The following MRC1 variants were observed in gnomAD, a reference collection of about 807,000 sequenced individuals.
The protein encoded by MRC1 is mannose receptor C-type 1.
In MRC1, 62 loss-of-function variants were observed where a neutral mutation model predicts 102.9. That is an observed-to-expected ratio of 0.60 (90% CI 0.49 to 0.74). MRC1 has a LOEUF of 0.74. Ranked by LOEUF, MRC1 falls within the 30% of genes least tolerant of loss-of-function variation. The probability of loss-of-function intolerance (pLI) is 0.00; values close to 1 mark genes in which losing one functional copy is unlikely to be tolerated. For missense variants in MRC1, 1,237 were observed against 862.8 expected (o/e 1.43, Z -5.43); for synonymous variants, 457 against 298.4 (o/e 1.53, Z -5.48).
At chr10:17,879,143 T>G (rs1589189512) in intron 18 of MRC1, among the ~76,000 whole-genome samples, 1 of 152,204 alleles carries the variant, frequency 6.6e-6, no homozygotes, top group South Asian at 2.1e-4. Context: ...TCTGGCTCAC[T>G]TCCAGAGTAA....
At chr10:17,848,180 C>T (rs1838855138) in intron 6 of MRC1, among the ~76,000 whole-genome samples, 1 of 152,106 alleles carries the variant, frequency 6.6e-6, no homozygotes. Flanking sequence ...CGAACATATA[C>T]TAAGACAGCC....
At chr10:17,826,174 T>C (rs1210656935) in intron 2 of MRC1, among the ~76,000 whole-genome samples, 3 of 147,714 alleles carry the variant, frequency 2.0e-5, no homozygotes, top group African/African-American at 7.7e-5. Context: ...AATGACTAAA[T>C]GTCTTTTAAG....
At chr10:17,865,962 A>G (rs1833259918) in intron 11 of MRC1, among the ~76,000 whole-genome samples, 2 of 152,208 alleles carry the variant, frequency 1.3e-5, no homozygotes, top group African/African-American at 2.4e-5. Context: ...CTATTTGGAA[A>G]TAACCTTGAC....
At chr10:17,853,743 A>G (rs1833028491) in intron 8 of MRC1, among the ~76,000 whole-genome samples, 1 of 152,058 alleles carries the variant, frequency 6.6e-6, no homozygotes, top group African/African-American at 2.4e-5. Flanking sequence ...CATTTTTTTC[A>G]GTTTACATGG....
intron 17 of MRC1, among the ~76,000 whole-genome samples, chr10:17,876,818 C>A (rs1833443748): frequency 6.6e-6 from 1 of 151,998 alleles, no homozygotes; most frequent in Admixed American, 6.6e-5. Context: ...CATTGATATA[C>A]CTATCACTGA....
rs1031060891 is a variant in MRC1 at position 17,837,955 on chromosome 10, T to C, written c.803-2738T>C. On this transcript the variant is annotated intron_variant, in intron 4 of 29. Transcript: ENST00000569591. Reference sequence around the variant, plus strand: ...CCTGGTTTGATGACTCTAATTAAATTGTCTGCCAATTACTGAAGAGCTACT... The same window carrying C: ...CCTGGTTTGATGACTCTAATTAAATCGTCTGCCAATTACTGAAGAGCTACT... Among the ~76,000 whole-genome samples, 298 of 152,060 alleles carry C rather than the reference T, an allele frequency of 2.0e-3. 1 individual carries two copies. The highest frequency in any genetic ancestry group is 6.8e-3 in the African/African-American group (283 of 41,456).
At chr10:17,814,961 T>C (rs1200100444) in intron 1 of MRC1, among the ~76,000 whole-genome samples, 4 of 152,064 alleles carry the variant, frequency 2.6e-5, no homozygotes, top group Non-Finnish European at 5.9e-5. Flanking sequence ...CCACCGTGCC[T>C]GGCCGGTCCC....
intron 12 of MRC1, among the ~76,000 whole-genome samples, chr10:17,869,992 A>G (rs35847883): frequency 0.038 from 5,768 of 152,160 alleles, 375 homozygotes; most frequent in African/African-American, 0.13. Flanking sequence ...AGCTCCTAAG[A>G]TTTTCATCTA....
intron 22 of MRC1, among the ~76,000 whole-genome samples, chr10:17,889,034 G>A (rs1330899221): frequency 1.3e-5 from 2 of 152,016 alleles, no homozygotes; most frequent in African/African-American, 4.8e-5. Flanking sequence ...TTTACCTCTG[G>A]TAACTTTCCT....
At chr10:17,880,819 G>A (rs1833503238) in intron 20 of MRC1, 149 bp downstream of exon 20, 6 of 745,844 alleles carry the variant, frequency 8.0e-6, no homozygotes, top group South Asian at 7.4e-5. Context: ...ACTCTTTATG[G>A]AAATTGAGAG....
intron 1 of MRC1, among the ~76,000 whole-genome samples, chr10:17,820,406 GA>G (rs1838377518): frequency 1.3e-5 from 2 of 152,184 alleles, no homozygotes; most frequent in African/African-American, 4.8e-5. Context: ...GTCTTAGAGT[GA>G]AATTAAGATG....
chr10:17,817,694 A>T (rs797037617), intron 1 of MRC1, among the ~76,000 whole-genome samples: 76,039 of 152,014 alleles, frequency 0.5, 19,121 homozygotes, highest in Middle Eastern at 0.59. Flanking sequence ...ATCCTACAAA[A>T]GAGATTGCAG....
At chr10:17,887,216 C>T (rs1304769067) in intron 22 of MRC1, among the ~76,000 whole-genome samples, 2 of 152,002 alleles carry the variant, frequency 1.3e-5, no homozygotes, top group Non-Finnish European at 2.9e-5. Context: ...GGAGAAACCC[C>T]GTCTCTACTA....
chr10:17,885,057 A>G (rs1833573094), intron 21 of MRC1, among the ~76,000 whole-genome samples: 1 of 152,230 alleles, frequency 6.6e-6, no homozygotes, highest in South Asian at 2.1e-4. Context: ...TAAAACCTAG[A>G]CTTTTATTGT....
At chr10:17,868,289 C>T (rs1298444488) in intron 12 of MRC1, among the ~76,000 whole-genome samples, 1 of 152,142 alleles carries the variant, frequency 6.6e-6, no homozygotes, top group Non-Finnish European at 1.5e-5. Flanking sequence ...CTCCACATGG[C>T]TGGGGAGGCC....
chr10:17,885,768 T>C (rs1833584348), intron 22 of MRC1, among the ~76,000 whole-genome samples: 1 of 151,886 alleles, frequency 6.6e-6, no homozygotes, highest in African/African-American at 2.4e-5. Context: ...GTTTTAGTAT[T>C]TGGGGTGTAG....
chr10:17,829,443 G>T (rs1048058210), intron 3 of MRC1, among the ~76,000 whole-genome samples: 8 of 151,434 alleles, frequency 5.3e-5, no homozygotes, highest in Admixed American at 6.5e-5. Flanking sequence ...ACTCACAAAA[G>T]CCCATAGGCT....
Position 17,910,587 on chromosome 10 carries a change from T to C in MRC1, c.*122T>C, listed in dbSNP as rs1833955983. On this transcript the variant is annotated 3_prime_UTR_variant, in exon 30 of 30. Transcript: ENST00000569591. ...CTGAATTGTACTGGTCTGTCCTTTT[T>C]TCCTTTGCCTAATTGAAGAAATAAT... 4 of 731,890 alleles carry C rather than the reference T, an allele frequency of 5.5e-6. No homozygotes were observed. The highest frequency in any genetic ancestry group is 4.0e-5 in the Admixed American group (2 of 50,428). 45.3% of individuals were successfully genotyped at this position (731,890 alleles called of 1,614,324 possible).
intron 22 of MRC1, among the ~76,000 whole-genome samples, chr10:17,886,297 T>TTCCTTCCTTCCTTCCC (rs1833592484): frequency 3.3e-5 from 5 of 151,116 alleles, no homozygotes; most frequent in Non-Finnish European, 5.9e-5. Flanking sequence ...CCTTCCTTCC[T>TTCCTTCCTTCCTTCCC]TCCTTCCTTC....
Sources: gnomAD v4.1 joint callset for allele counts (sites outside exome capture counted in the v4.1 genomes callset) on GRCh38, gnomAD v4.1.1 for gene constraint, MANE v1.5 for transcripts, NCBI Gene and HGNC (gene_info 2026-07-23, HGNC 2026-07-21) for gene names.